Variants in RTL4 observed in about 807,000 individuals in gnomAD.
RTL4 encodes the protein retrotransposon Gag-like protein 4.
In RTL4, 4 loss-of-function variants were observed where a neutral mutation model predicts 5.3. The ratio of observed to expected loss-of-function variants is 0.75; its 90% confidence interval spans 0.37 to 1.72. The LOEUF (loss-of-function observed/expected upper bound fraction) is 1.72. Among genes scored for constraint, RTL4 ranks in the 40% most tolerant of loss-of-function variants. RTL4 has a pLI of 0.04. For synonymous variants in RTL4, 98 were observed against 87.3 expected (o/e 1.12, Z -0.68); for missense variants, 260 against 227.1 (o/e 1.14, Z -0.93).
the RTL4 span, among the ~76,000 whole-genome samples, chrX:112,296,794 T>A: frequency 9.4e-6 from 1 of 106,591 alleles, no homozygotes; most frequent in Non-Finnish European, 1.9e-5. Context: ...TTTTTTTGTA[T>A]TTTTAGTAGA....
At chrX:112,446,673 C>T in the RTL4 span, among the ~76,000 whole-genome samples, 1 of 112,045 alleles carries the variant, frequency 8.9e-6, no homozygotes, top group East Asian at 2.8e-4. Context: ...CATGGCAAAA[C>T]TCCATCTCTA....
the RTL4 span, among the ~76,000 whole-genome samples, chrX:112,243,105 G>A: frequency 5.4e-5 from 6 of 111,380 alleles, no homozygotes; most frequent in Non-Finnish European, 7.5e-5. Flanking sequence ...GTATTTTATC[G>A]AGGCTTTTCG....
chrX:112,335,059 G>A, the RTL4 span, among the ~76,000 whole-genome samples: 5 of 111,702 alleles, frequency 4.5e-5, no homozygotes, highest in South Asian at 3.7e-4. Context: ...AATAATTTAC[G>A]TAACAGGAAT....
chrX:112,333,830 A>C, the RTL4 span, among the ~76,000 whole-genome samples: 19 of 111,711 alleles, frequency 1.7e-4, no homozygotes, highest in Admixed American at 9.6e-5. Flanking sequence ...GTTATTTTAA[A>C]ATGTACAATT....
chrX:112,168,862 C>T, the RTL4 span, among the ~76,000 whole-genome samples: 1 of 111,373 alleles, frequency 9.0e-6, no homozygotes, highest in African/African-American at 3.3e-5. Context: ...TCTTTTATTC[C>T]TTTACTTTCT....
the RTL4 span, among the ~76,000 whole-genome samples, chrX:112,303,323 T>C: frequency 9.0e-6 from 1 of 110,639 alleles, no homozygotes; most frequent in Non-Finnish European, 1.9e-5. Flanking sequence ...ATATTATCCA[T>C]AAGTCCTTCA....
chrX:112,164,332 C>G, the RTL4 span, among the ~76,000 whole-genome samples: 1 of 112,199 alleles, frequency 8.9e-6, no homozygotes, highest in Non-Finnish European at 1.9e-5. Context: ...ATGGTAGTTT[C>G]GCCTTAGCTG....
the RTL4 span, among the ~76,000 whole-genome samples, chrX:112,178,540 A>G: frequency 4.5e-5 from 5 of 111,915 alleles, no homozygotes; most frequent in East Asian, 2.8e-4. Flanking sequence ...AGAGTTTGTA[A>G]TATCTTTACA....
the RTL4 span, among the ~76,000 whole-genome samples, chrX:112,158,900 G>T: frequency 9.0e-6 from 1 of 111,571 alleles, no homozygotes; most frequent in East Asian, 2.8e-4. Context: ...TAGCCAGACT[G>T]ACTTTCGAAA....
At chrX:112,341,016 C>T in the RTL4 span, among the ~76,000 whole-genome samples, 3 of 111,401 alleles carry the variant, frequency 2.7e-5, no homozygotes, top group Non-Finnish European at 5.6e-5. Context: ...CCACACCTGG[C>T]GTAGTAAAAG....
At chrX:112,248,359 G>T in the RTL4 span, among the ~76,000 whole-genome samples, 5 of 112,467 alleles carry the variant, frequency 4.4e-5, no homozygotes, top group Non-Finnish European at 9.4e-5. Context: ...TGAGTAGCCA[G>T]ATTTTCAGTG....
At chrX:112,165,378 T>C in the RTL4 span, among the ~76,000 whole-genome samples, 1 of 112,143 alleles carries the variant, frequency 8.9e-6, no homozygotes, top group Non-Finnish European at 1.9e-5. Flanking sequence ...CAATAGACTG[T>C]ACCATCCTAT....
the RTL4 span, among the ~76,000 whole-genome samples, chrX:112,437,815 T>TGGC: frequency 4.6e-5 from 2 of 43,541 alleles, no homozygotes; most frequent in Non-Finnish European, 8.5e-5. Flanking sequence ...GTGGTGGTGG[T>TGGC]GGTGGTGGTG....
the RTL4 span, among the ~76,000 whole-genome samples, chrX:112,153,026 C>T: frequency 5.4e-5 from 6 of 111,706 alleles, no homozygotes; most frequent in Admixed American, 9.5e-5. Flanking sequence ...TATCTGAAGT[C>T]CAAACCATGG....
At chrX:112,168,959 CTTTCTT>C in the RTL4 span, among the ~76,000 whole-genome samples, 5 of 102,124 alleles carry the variant, frequency 4.9e-5, no homozygotes, top group African/African-American at 1.4e-4. Context: ...TTCTTTCTTT[CTTTCTT>C]TTTCTTTCTT....
At chrX:112,294,072 G>C in the RTL4 span, among the ~76,000 whole-genome samples, 6 of 111,867 alleles carry the variant, frequency 5.4e-5, no homozygotes, top group East Asian at 1.7e-3. Flanking sequence ...TGAGCACTTT[G>C]GGAATCAGAT....
At chrX:112,199,900 G>T in the RTL4 span, among the ~76,000 whole-genome samples, 6 of 112,237 alleles carry the variant, frequency 5.3e-5, no homozygotes, top group African/African-American at 1.9e-4. Context: ...GACTAGTAAT[G>T]GTAGTAGTCA....
chrX:112,276,085 T>C, the RTL4 span, among the ~76,000 whole-genome samples: 2 of 112,258 alleles, frequency 1.8e-5, no homozygotes, highest in South Asian at 3.7e-4. Flanking sequence ...CATTCATTTG[T>C]CTCCATGGAT....
chrX:112,107,867 G>GT, the RTL4 span, among the ~76,000 whole-genome samples: 10 of 111,713 alleles, frequency 9.0e-5, no homozygotes, highest in African/African-American at 3.2e-4. Flanking sequence ...AGATTGGAAG[G>GT]TTTTCTCCTA....
Sources: allele counts gnomAD v4.1 joint callset (sites outside exome capture counted in the v4.1 genomes callset), GRCh38; gene constraint gnomAD v4.1.1; transcripts MANE v1.5; gene names NCBI Gene and HGNC (gene_info 2026-07-23, HGNC 2026-07-21).